PKD1: variants seen among roughly 807,000 people sequenced by gnomAD.
PKD1 encodes the protein polycystin-1.
In PKD1, 81 loss-of-function variants were observed where a neutral mutation model predicts 361.7. That is an observed-to-expected ratio of 0.22 (90% confidence interval 0.19 to 0.27). The LOEUF is 0.27. Among genes scored for constraint, PKD1 ranks in the 10% least tolerant of loss-of-function variants. The probability of loss-of-function intolerance (pLI) is 1.00; values close to 1 mark genes in which losing one functional copy is unlikely to be tolerated. For missense variants in PKD1, 6,399 were observed against 6,118.3 expected, an observed-to-expected ratio of 1.05 and a Z score of -1.53; for synonymous variants, 3,615 against 2,818.3, an observed-to-expected ratio of 1.28 and a Z score of -8.95.
intron 1 of PKD1, among the ~76,000 whole-genome samples, chr16:2,125,924 C>T (rs1379123314): frequency 2.6e-5 from 4 of 152,186 alleles, no homozygotes; most frequent in African/African-American, 9.7e-5. Context: ...CCTCCCCCAA[C>T]ACCATCCCCC....
chr16:2,105,776 G>T, intron 20 of PKD1, 89 bp downstream of exon 20: 1 of 1,427,340 alleles, frequency 7.0e-7, no homozygotes, highest in Non-Finnish European at 9.7e-7. Context: ...CCCGGGATGA[G>T]CCCTCTGCAA....
At position 2,110,950 on chromosome 16, in the gene PKD1, G is replaced by A. The variant is rs1258742494; in HGVS notation, c.4217C>T (p.Pro1406Leu). The A allele has an allele frequency of 6.2e-7, 1 of 1,610,848 alleles. No individual in the cohort carries two copies. Among genetic ancestry groups the A allele is most frequent in the Non-Finnish European group, 8.5e-7 (1 of 1,179,810 alleles). Residue 1406 changes from proline to leucine, a missense_variant, in exon 15 of 46, where the codon CCC becomes CTC. Physicochemically the swap from Pro to Leu is moderately conservative, Grantham distance 98. Coordinates refer to ENST00000262304, the MANE Select transcript of PKD1 (RefSeq NM_001009944.3). The part of the protein sequence containing the change: ...DEAWLVACAW[P>L]PFPYRYTWDF... ...CCAGGTGTAGCGGTAGGGGAACGGG[G>A]GCCAGGCACATGCCACCAGCCAGGC... is the stretch of plus-strand genomic sequence containing the variant.
Position 2,109,900 on chromosome 16 carries a change from T to G in PKD1, c.5267A>C (p.Glu1756Ala), listed in dbSNP as rs150459340. The G allele has an allele frequency of 8.1e-5, 130 of 1,610,484 alleles. 1 individual carries two copies. The highest frequency in any genetic ancestry group is 2.2e-5 in the East Asian group (1 of 44,876). ...CTCGGAGGTCTCCCAGCTCAGCCCCTCCTCCAAGGACCAAGTGTATACGAC... is the reference window on the plus strand; with the variant it reads ...CTCGGAGGTCTCCCAGCTCAGCCCCGCCTCCAAGGACCAAGTGTATACGAC... ...SGVVYTWSLEEGLSWETSEPF... is the reference protein window; with the variant it reads ...SGVVYTWSLEAGLSWETSEPF... The change falls in exon 15 of 46, where the codon GAG (glutamate) becomes GCG (alanine). Residue 1756 changes from glutamate (E) to alanine (A), a missense_variant. Glu to Ala is a moderately radical substitution (Grantham distance 107, BLOSUM62 -1). Transcript: ENST00000262304.
intron 1 of PKD1, among the ~76,000 whole-genome samples, chr16:2,124,973 G>A (rs1447185996): frequency 1.3e-5 from 2 of 152,146 alleles, no homozygotes; most frequent in East Asian, 1.9e-4. Context: ...CGTCCCTCCC[G>A]AGAGCAGGCC....
chr16:2,101,922 G>A, intron 26 of PKD1, 139 bp downstream of exon 26: 1 of 675,784 alleles, frequency 1.5e-6, no homozygotes, highest in Non-Finnish European at 2.7e-6. Flanking sequence ...TCATTCCCAG[G>A]ATGAACACAC....
At position 2,135,542 on chromosome 16, in the gene PKD1, T is replaced by C; in HGVS notation, c.148A>G (p.Asn50Asp). Residue 50 changes from asparagine to aspartate, a missense_variant, in exon 1 of 46, where the codon AAC (asparagine) becomes GAC (aspartate). By Grantham distance (23) the Asn-to-Asp change is conservative. Transcript: ENST00000262304. ...GPAPGAACRV[N>D]CSGRGLRTLG... ...GTCCGCAGCCCGCGGCCCGAGCAGT[T>C]GACGCGGCAGGCGGCGCCGGGCGCT... 1 of 1,149,916 alleles carries C rather than the reference T, an allele frequency of 8.7e-7. No homozygotes were observed. The highest frequency in any genetic ancestry group is 4.2e-5 in the South Asian group (1 of 23,616). The allele number at this position is 1,149,916 out of a possible 1,614,324, so 71.2% of individuals were successfully genotyped here. A position where few individuals can be genotyped will look rare whatever the true frequency, so the allele number is the denominator to read the frequency against.
At chr16:2,112,687 G>A (rs1247469575) in intron 13 of PKD1, 101 bp downstream of exon 13, 11 of 1,325,894 alleles carry the variant, frequency 8.3e-6, no homozygotes, top group Non-Finnish European at 1.1e-5. Context: ...GGGAAACCGA[G>A]GCTCAGAAAA....
At position 2,105,397 on chromosome 16, in the gene PKD1, C is replaced by A; in HGVS notation, c.7941G>T (p.Thr2647=). ...QHRAQIRKNI[T]ETLVSLRVHT... The stretch of plus-strand genomic sequence containing the variant: ...GGACCCTCAGGGACACCAGAGTCTC[C>A]GTGATGTTCTTGCGTATCTGGGCTC... Residue 2647 remains threonine (T), a synonymous_variant, in exon 21 of 46, where the codon ACG becomes ACT. Transcript: ENST00000262304. 2 of 1,585,926 alleles carry A rather than the reference C, an allele frequency of 1.3e-6. No homozygotes were observed. Among genetic ancestry groups the A allele is most frequent in the Non-Finnish European group, 8.5e-7 (1 of 1,172,210 alleles).
In PKD1 at chr16:2,101,219, C is replaced by G. The variant is rs541487700; in HGVS notation, c.9398-653G>C. Among the ~76,000 whole-genome samples, 151 of 152,186 alleles carry G rather than the reference C, an allele frequency of 9.9e-4. 1 individual carries two copies. The Middle Eastern group carries it at 0.017, about 17-fold the overall frequency. ...CCAGGATGGTCTCGATCTCCTGACC[C>G]CGTGATTTGCCTGCCTGGCCTCCCA... is the stretch of plus-strand genomic sequence containing the variant. On this transcript the variant is annotated intron_variant, in intron 26 of 45. Transcript: ENST00000262304.
Position 2,090,799 on chromosome 16 carries a change from G to T in PKD1, c.12013C>A (p.Gln4005Lys). 1 of 1,612,510 alleles carries T rather than the reference G, an allele frequency of 6.2e-7. No homozygotes were observed. The highest frequency in any genetic ancestry group is 8.5e-7 in the Non-Finnish European group (1 of 1,179,952). The change falls in exon 44 of 46, where the codon CAG becomes AAG. Residue 4005 changes from glutamine (Q) to lysine (K), a missense_variant. Coordinates refer to ENST00000262304, the MANE Select transcript of PKD1 (RefSeq NM_001009944.3). The stretch of plus-strand genomic sequence containing the variant: ...GACCACTGGCGCACGAAGCGTAGCT[G>T]CTGGGCAGCCTGCGGACGAGAAATC... ...LFLLLVKAAQQLRFVRQWSVF... is the reference protein window; with the variant it reads ...LFLLLVKAAQKLRFVRQWSVF...
rs571976163 is a variant in PKD1 at position 2,102,029 on chromosome 16, G to C, written c.9397+32C>G. 20 of 1,388,894 alleles carry C rather than the reference G, an allele frequency of 1.4e-5. No individual in the cohort carries two copies. In the African/African-American group the frequency reaches 3.0e-4, roughly 21 times the overall value. The allele number at this position is 1,388,894 out of a possible 1,614,324, so 86.0% of individuals were successfully genotyped here. ...CAACCAGCACAGCCAGTGAGAGCAG[G>C]GGAGGCCCTGCCACCCCGCTGCGCC... On this transcript the variant is annotated intron_variant, in intron 26 of 45. Coordinates refer to ENST00000262304, the MANE Select transcript of PKD1 (RefSeq NM_001009944.3).
In PKD1 at chr16:2,116,059, A is replaced by C. The variant is rs1301978561; in HGVS notation, c.1782T>G (p.Phe594Leu). The C allele has an allele frequency of 1.4e-6, 2 of 1,465,146 alleles. No homozygotes were observed. Among genetic ancestry groups the C allele is most frequent in the South Asian group, 2.4e-5 (2 of 82,794 alleles). The allele number at this position is 1,465,146 out of a possible 1,614,324, so 90.8% of individuals were successfully genotyped here. A position where few individuals can be genotyped will look rare whatever the true frequency, so the allele number is the denominator to read the frequency against. Residue 594 changes from phenylalanine to leucine, a missense_variant, in exon 9 of 46, where the codon TTT becomes TTG. Physicochemically the swap from Phe to Leu is conservative, Grantham distance 22. Transcript: ENST00000262304. ...CGGGCCGCCGGAGCTCCTGGGTCCCAAATTCGGCCGTGGTGAGGAAGGCTT... is the reference window on the plus strand; with the variant it reads ...CGGGCCGCCGGAGCTCCTGGGTCCCCAATTCGGCCGTGGTGAGGAAGGCTT... ...SREAFLTTAE[F>L]GTQELRRPAQ...
intron 12 of PKD1, 47 bp downstream of exon 12, chr16:2,113,114 G>A (rs1450308445): frequency 1.0e-4 from 18 of 177,634 alleles, no homozygotes; most frequent in East Asian, 4.1e-4. Flanking sequence ...GCCCGCCCCC[G>A]CCCTGCCCCG....
In PKD1 at chr16:2,090,659, C is replaced by G. The variant is rs370784448; in HGVS notation, c.12138+15G>C. 1 of 1,611,362 alleles carries G rather than the reference C, an allele frequency of 6.2e-7. No homozygotes were observed. The highest frequency in any genetic ancestry group is 1.3e-5 in the African/African-American group (1 of 74,920). On this transcript the variant is annotated intron_variant, in intron 44 of 45. Coordinates refer to ENST00000262304, the MANE Select transcript of PKD1 (RefSeq NM_001009944.3). ...GCTGAGCTAAGACGCCCTCCCCGGC[C>G]GCGCAGTCACCTACCAGGATGGCCA...
chr16:2,127,942 G>A (rs1348720610), intron 1 of PKD1, among the ~76,000 whole-genome samples: 1 of 41,556 alleles, frequency 2.4e-5, no homozygotes, highest in Non-Finnish European at 5.1e-5. Flanking sequence ...GGAGGGAGAG[G>A]TGGGAGGGGC....
Position 2,111,070 on chromosome 16 carries a change from T to C in PKD1, c.4097A>G (p.Asn1366Ser), listed in dbSNP as rs749133063. Reference protein sequence around the residue: ...PLALVLSSRVNRAHYFTSICV... With the variant: ...PLALVLSSRVSRAHYFTSICV... ...GATGCTGGTGAAGTAATGCGCCCTG[T>C]TCACGCGGCTGGACAGCACCAGCGC... The change falls in exon 15 of 46, where the codon AAC becomes AGC. Residue 1366 changes from asparagine (N) to serine (S), a missense_variant. Physicochemically the swap from Asn to Ser is conservative, Grantham distance 46 (BLOSUM62 1). Transcript: ENST00000262304. The C allele has an allele frequency of 6.2e-7, 1 of 1,610,634 alleles. No individual in the cohort carries two copies. The highest frequency in any genetic ancestry group is 8.5e-7 in the Non-Finnish European group (1 of 1,179,766).
In PKD1 at chr16:2,108,048, A is replaced by G; in HGVS notation, c.6916-16T>C. On this transcript the variant is annotated splice_polypyrimidine_tract_variant and intron_variant, in intron 15 of 45. Transcript: ENST00000262304. Reference sequence around the variant, plus strand: ...CAGCCTCCCTCTGCAGGCCGAGAACAAGGGGCGACGTGGCCTGAGAGCCCC... The same window carrying G: ...CAGCCTCCCTCTGCAGGCCGAGAACGAGGGGCGACGTGGCCTGAGAGCCCC... 6.4e-7 allele frequency: 1 copy of G among 1,569,796 alleles called. No individual in the cohort carries two copies. Among genetic ancestry groups the G allele is most frequent in the Non-Finnish European group, 8.6e-7 (1 of 1,159,766 alleles).
intron 1 of PKD1, among the ~76,000 whole-genome samples, chr16:2,122,795 G>A (rs1265058571): frequency 6.6e-6 from 1 of 152,208 alleles, no homozygotes; most frequent in Non-Finnish European, 1.5e-5. Flanking sequence ...GGCGAGAGGT[G>A]CTGCAGAGGC....
At position 2,114,455 on chromosome 16, in the gene PKD1, C is replaced by T. The variant is rs764301992; in HGVS notation, c.2568G>A (p.Thr856=). The T allele has an allele frequency of 8.1e-6, 13 of 1,598,048 alleles. No homozygotes were observed. Among genetic ancestry groups the T allele is most frequent in the Admixed American group, 3.3e-5 (2 of 59,930 alleles). The part of the protein sequence containing the change: ...VLQVDSGANA[T]ATARWPGGSV... Reference sequence around the variant, plus strand: ...TGCCCCCAGGCCAGCGAGCCGTGGCCGTGGCGTTGGCACCAGAGTCCACCT... The same window carrying T: ...TGCCCCCAGGCCAGCGAGCCGTGGCTGTGGCGTTGGCACCAGAGTCCACCT... Residue 856 remains threonine (T), a synonymous_variant, in exon 11 of 46, where the codon ACG becomes ACA. Transcript: ENST00000262304.
Sources: gnomAD v4.1 joint callset for allele counts (sites outside exome capture counted in the v4.1 genomes callset) on GRCh38, gnomAD v4.1.1 for gene constraint, MANE v1.5 for transcripts, NCBI Gene and HGNC (gene_info 2026-07-23, HGNC 2026-07-21) for gene names.